LPIN2: variants seen among roughly 807,000 people sequenced by gnomAD.
LPIN2 encodes lipin 2, also known as phosphatidate phosphatase LPIN2.
A neutral mutation model predicts 111.4 loss-of-function variants in LPIN2; 55 were observed. The observed-to-expected ratio is 0.49, with a 90% CI of 0.40 to 0.62. The LOEUF (loss-of-function observed/expected upper bound fraction) is 0.62. Ranked by LOEUF, LPIN2 falls within the 20% of genes least tolerant of loss-of-function variation. The probability of loss-of-function intolerance (pLI) is 0.00; values close to 1 mark genes in which losing one functional copy is unlikely to be tolerated. For synonymous variants in LPIN2, 425 were observed against 414.0 expected (o/e 1.03, Z -0.32); for missense variants, 992 against 1,112.1 (o/e 0.89, Z 1.54).
At chr18:2,973,896 T>A (rs1402678190) in intron 1 of LPIN2, among the ~76,000 whole-genome samples, 1 of 152,178 alleles carries the variant, frequency 6.6e-6, no homozygotes, top group Non-Finnish European at 1.5e-5. Context: ...TTTCCACTTG[T>A]GGCATCAGAG....
chr18:2,930,264 T>C (rs902556286), intron 9 of LPIN2, among the ~76,000 whole-genome samples: 30 of 152,266 alleles, frequency 2.0e-4, no homozygotes, highest in African/African-American at 7.2e-4. Flanking sequence ...ATTTTGTATT[T>C]CGCATTCCCT....
chr18:2,929,502 G>A (rs1368316701), intron 9 of LPIN2, among the ~76,000 whole-genome samples: 1 of 152,274 alleles, frequency 6.6e-6, no homozygotes, highest in East Asian at 1.9e-4. Flanking sequence ...GAAAACTGTC[G>A]AAGTTCTATT....
At chr18:2,950,733 G>C in intron 4 of LPIN2, 2 of 379,602 alleles carry the variant, frequency 5.3e-6, no homozygotes, top group Non-Finnish European at 9.8e-6. Context: ...TCCCAGAGAT[G>C]ACATGGTGTC....
chr18:2,932,448 C>CA (rs1251560320), intron 8 of LPIN2, among the ~76,000 whole-genome samples: 2 of 152,110 alleles, frequency 1.3e-5, no homozygotes, highest in East Asian at 1.9e-4. Context: ...TTTGAATCAA[C>CA]AAAAAAATTC....
intron 1 of LPIN2, among the ~76,000 whole-genome samples, chr18:3,008,395 T>C (rs570993868): frequency 4.6e-5 from 7 of 152,296 alleles, no homozygotes; most frequent in East Asian, 3.9e-4. Context: ...TGAGCCGAGA[T>C]TGCACCACTG....
At chr18:2,978,864 C>T (rs2078062323) in intron 1 of LPIN2, 1 of 152,264 alleles carries the variant, frequency 6.6e-6, no homozygotes. Flanking sequence ...CTTGGGGAAT[C>T]CTCATGATCA....
rs777239750 is a variant in LPIN2, at chr18:2,946,185, C to T, written c.590+4870G>A. On this transcript the variant is annotated intron_variant, in intron 4 of 19. Transcript: ENST00000677752. The stretch of plus-strand genomic sequence containing the variant: ...TTTAGGGAGGCAGATATTTTTAATT[C>T]CAAATTTGTCATTGGTTCATCTGGG... The T allele has an allele frequency of 1.4e-5, 22 of 1,609,852 alleles. No individual in the cohort carries two copies. The African/African-American group carries it at 2.8e-4, about 21-fold the overall frequency.
intron 1 of LPIN2, among the ~76,000 whole-genome samples, chr18:3,005,971 G>A (rs1472345363): frequency 1.3e-5 from 2 of 152,166 alleles, no homozygotes; most frequent in Non-Finnish European, 2.9e-5. Flanking sequence ...TGGGCAGTGG[G>A]GCAGCATAGG....
intron 4 of LPIN2, chr18:2,945,554 CTG>C: frequency 6.9e-7 from 1 of 1,447,550 alleles, no homozygotes; most frequent in Non-Finnish European, 9.7e-7. Context: ...ACTCAATCTG[CTG>C]TGTCGTCTTT....
intron 2 of LPIN2, among the ~76,000 whole-genome samples, chr18:2,957,985 C>A (rs555569526): frequency 6.6e-6 from 1 of 150,498 alleles, no homozygotes; most frequent in Non-Finnish European, 1.5e-5. Flanking sequence ...CTACTAAAAA[C>A]ACAAAAAGCA....
chr18:2,928,028 C>T (rs2077160925), intron 11 of LPIN2, among the ~76,000 whole-genome samples: 1 of 152,044 alleles, frequency 6.6e-6, no homozygotes, highest in South Asian at 2.1e-4. Flanking sequence ...TGAGACCAGG[C>T]GGTCTGCTAT....
chr18:2,944,872 C>A (rs992185652), intron 4 of LPIN2, among the ~76,000 whole-genome samples: 1 of 152,080 alleles, frequency 6.6e-6, no homozygotes, highest in East Asian at 1.9e-4. Context: ...CAAATTGATA[C>A]CTCTGTATTC....
intron 1 of LPIN2, among the ~76,000 whole-genome samples, chr18:2,991,413 C>G (rs3016722): frequency 0.94 from 143,555 of 152,254 alleles, 67,980 homozygotes; most frequent in East Asian, 1. Context: ...CAAGTTTGGT[C>G]GTTTCTCAAA....
chr18:2,924,110 T>C (rs534192817), intron 15 of LPIN2, among the ~76,000 whole-genome samples: 2 of 152,238 alleles, frequency 1.3e-5, no homozygotes, highest in South Asian at 2.1e-4. Flanking sequence ...CACTTTCTCT[T>C]TTCCTCCGCC....
In LPIN2 at chr18:2,951,083, C is replaced by T. The variant is rs1270217201; in HGVS notation, c.562G>A (p.Asp188Asn). The T allele has an allele frequency of 1.5e-5, 25 of 1,614,178 alleles. No individual in the cohort carries two copies. Among genetic ancestry groups the T allele is most frequent in the Admixed American group, 3.3e-5 (2 of 60,028 alleles). ...EDTCDVGVSSDDDKGAQAARG... is the reference protein window; with the variant it reads ...EDTCDVGVSSNDDKGAQAARG... ...GCTGCCTGGGCCCCCTTGTCATCAT[C>T]GGAGCTCACGCCTACATCACATGTG... Residue 188 changes from aspartate to asparagine, a missense_variant, in exon 4 of 20, where the codon GAT (aspartate) becomes AAT (asparagine). This residue lies in a region of LPIN2 where 709 missense variants were observed against 753.2 expected (regional missense o/e 0.94). Coordinates refer to ENST00000677752, the MANE Select transcript of LPIN2 (RefSeq NM_001375808.2).
chr18:2,924,330 C>T (rs2077099585), intron 15 of LPIN2, 68 bp downstream of exon 15: 4 of 1,600,228 alleles, frequency 2.5e-6, no homozygotes, highest in African/African-American at 2.7e-5. Context: ...AACTCCCCAC[C>T]ACACACTGCC....
At position 2,937,814 on chromosome 18, in the gene LPIN2, G is replaced by T. The variant is rs778825863; in HGVS notation, c.1046C>A (p.Pro349His). 2 of 1,614,132 alleles carry T rather than the reference G, an allele frequency of 1.2e-6. No homozygotes were observed. Among genetic ancestry groups the T allele is most frequent in the South Asian group, 2.2e-5 (2 of 91,080 alleles). The change falls in exon 7 of 20, where the codon CCT becomes CAT. Residue 349 changes from proline (P) to histidine (H), a missense_variant. Physicochemically the swap from Pro to His is moderately conservative, Grantham distance 77. Transcript: ENST00000677752. ...AGATGAAATCTGAGTACTCTCAAGA[G>T]GAGGTTCGAGAAGCTCTGCCACAGA... ...PTSVAELLEP[P>H]LESTQISSML...
At chr18:2,964,711 T>C (rs1319881687) in intron 1 of LPIN2, among the ~76,000 whole-genome samples, 1 of 152,220 alleles carries the variant, frequency 6.6e-6, no homozygotes, top group Non-Finnish European at 1.5e-5. Flanking sequence ...TCGCATGCTA[T>C]GCTGCATTTC....
At position 2,937,701 on chromosome 18, in the gene LPIN2, T is replaced by C. The variant is rs104895501; in HGVS notation, c.1159A>G (p.Lys387Glu). The change falls in exon 7 of 20, where the codon AAG (lysine) becomes GAG (glutamate). Residue 387 changes from lysine to glutamate, a missense_variant. Around this residue, in one of 4 missense-constraint regions of LPIN2, gnomAD observed 709 missense variants for 753.2 expected, o/e 0.94. Transcript: ENST00000677752. ...KPAAKVDSPS[K>E]KKGVHKRSQH... ...TTAAACAAACGATTACCTTTCTTCT[T>C]TGACGGCGAGTCTACTTTAGCTGCC... 2.3e-3 allele frequency: 3,672 copies of C among 1,614,028 alleles called. 68 individuals are homozygous for C. In the South Asian group the frequency reaches 0.026, roughly 12 times the overall value.
Sources: gnomAD v4.1 joint callset for allele counts (sites outside exome capture counted in the v4.1 genomes callset) on GRCh38, gnomAD v4.1.1 for gene constraint, gnomAD v4.1.1 regional missense constraint, MANE v1.5 for transcripts, NCBI Gene and HGNC (gene_info 2026-07-23, HGNC 2026-07-21) for gene names.